The following AFF3 variants were observed in gnomAD, a reference collection of about 807,000 sequenced individuals.
The protein encoded by AFF3 is ALF transcription elongation factor 3.
Under a neutral mutation model 129.7 loss-of-function variants are expected in AFF3, and 32 were observed. The ratio of observed to expected loss-of-function variants is 0.25; its 90% CI spans 0.19 to 0.33. The LOEUF (loss-of-function observed/expected upper bound fraction) is 0.33. Ranked by LOEUF, AFF3 falls within the 10% of genes least tolerant of loss-of-function variation. AFF3 has a pLI of 1.00. For missense variants in AFF3, 1,373 were observed against 1,592.0 expected (o/e 0.86, Z 2.34); for synonymous variants, 644 against 635.4 (o/e 1.01, Z -0.20).
intron 8 of AFF3, among the ~76,000 whole-genome samples, chr2:99,790,918 A>C (rs1220948200): frequency 1.3e-5 from 2 of 152,246 alleles, no homozygotes; most frequent in Non-Finnish European, 2.9e-5. Flanking sequence ...GCAAATAAAC[A>C]ATGGATAAAG....
At chr2:99,782,249 A>C (rs1684471248) in intron 8 of AFF3, among the ~76,000 whole-genome samples, 1 of 152,240 alleles carries the variant, frequency 6.6e-6, no homozygotes. Context: ...GACCCTACCA[A>C]AAGCCCTTTG....
At chr2:99,961,195 G>A (rs1201839403) in intron 7 of AFF3, among the ~76,000 whole-genome samples, 1 of 152,136 alleles carries the variant, frequency 6.6e-6, no homozygotes, top group African/African-American at 2.4e-5. Flanking sequence ...CCCAGCATAT[G>A]GTGAAGCAGG....
chr2:99,885,812 G>A (rs967561219), intron 7 of AFF3, among the ~76,000 whole-genome samples: 1 of 152,164 alleles, frequency 6.6e-6, no homozygotes, highest in African/African-American at 2.4e-5. Flanking sequence ...AGGTCATTTG[G>A]AGGGCAGAAC....
At chr2:100,037,499 AATAT>A (rs1307780323) in intron 4 of AFF3, among the ~76,000 whole-genome samples, 2 of 60,942 alleles carry the variant, frequency 3.3e-5, no homozygotes, top group Non-Finnish European at 2.9e-5. Context: ...TTTATATATA[AATAT>A]ATATTTATAT....
intron 8 of AFF3, among the ~76,000 whole-genome samples, chr2:99,783,671 G>C (rs1230169678): frequency 6.6e-6 from 1 of 152,206 alleles, no homozygotes; most frequent in Non-Finnish European, 1.5e-5. Context: ...TGCTTTTCTG[G>C]AATCCAGAGC....
At chr2:100,107,562 G>A (rs1691359334) in intron 2 of AFF3, 6 of 953,680 alleles carry the variant, frequency 6.3e-6, no homozygotes, top group Non-Finnish European at 7.5e-6. Context: ...TGACCTGAGG[G>A]TCTTTTCTCC....
At chr2:99,782,072 A>T (rs1231238456) in intron 8 of AFF3, among the ~76,000 whole-genome samples, 2 of 152,202 alleles carry the variant, frequency 1.3e-5, no homozygotes, top group East Asian at 3.9e-4. Flanking sequence ...ATCGCTTCAG[A>T]AACCTGAAAG....
chr2:99,696,655 CT>C (rs869188752), intron 11 of AFF3, among the ~76,000 whole-genome samples: 130 of 146,412 alleles, frequency 8.9e-4, no homozygotes, highest in South Asian at 2.2e-3. Flanking sequence ...TAATGAAATT[CT>C]TTTTTTTTTT....
intron 4 of AFF3, among the ~76,000 whole-genome samples, chr2:100,068,933 T>G (rs1202669877): frequency 6.6e-6 from 1 of 152,128 alleles, no homozygotes; most frequent in Non-Finnish European, 1.5e-5. Flanking sequence ...TTTTTTCTCC[T>G]TAGATGGTAA....
intron 18 of AFF3, among the ~76,000 whole-genome samples, chr2:99,575,551 G>A (rs924533983): frequency 1.1e-4 from 17 of 151,508 alleles, no homozygotes; most frequent in Admixed American, 1.1e-3. Flanking sequence ...ATGAGCCACC[G>A]CGCCTGGCCT....
chr2:100,140,974 G>T (rs1692845285), intron 1 of AFF3, among the ~76,000 whole-genome samples: 1 of 141,664 alleles, frequency 7.1e-6, no homozygotes, highest in Non-Finnish European at 1.5e-5. Flanking sequence ...TTGTACAAAA[G>T]GTAGTGATGA....
intron 7 of AFF3, among the ~76,000 whole-genome samples, chr2:99,962,429 G>A (rs74472078): frequency 1.3e-5 from 2 of 152,156 alleles, no homozygotes; most frequent in South Asian, 2.1e-4. Context: ...ACAATTAGAT[G>A]ATGCCAATGC....
Position 99,547,908 on chromosome 2 carries a change from G to T in AFF3, c.*3566C>A, listed in dbSNP as rs1280368863. 1 of 212,758 alleles carries T rather than the reference G, an allele frequency of 4.7e-6. No individual in the cohort carries two copies. The highest frequency in any genetic ancestry group is 9.5e-6 in the Non-Finnish European group (1 of 104,902). The allele number at this position is 212,758 out of a possible 1,614,324, so 13.2% of individuals were successfully genotyped here. On this transcript the variant is annotated 3_prime_UTR_variant, in exon 25 of 25. Transcript: ENST00000672756. ...AGTCTCATTGCATTGCATTCCATGT[G>T]TTCAATCTAGTACACAATTTGTCAA...
intron 13 of AFF3, among the ~76,000 whole-genome samples, chr2:99,623,564 T>C (rs1389713484): frequency 6.6e-6 from 1 of 152,166 alleles, no homozygotes; most frequent in Non-Finnish European, 1.5e-5. Flanking sequence ...GGTATCTCTG[T>C]GTCTCATGGG....
intron 9 of AFF3, among the ~76,000 whole-genome samples, chr2:99,751,012 GGAAT>G (rs1681603081): frequency 1.3e-5 from 2 of 152,130 alleles, no homozygotes; most frequent in African/African-American, 4.8e-5. Context: ...CTCTTAGAAT[GGAAT>G]TTATCTTTGT....
At position 99,587,269 on chromosome 2, in the gene AFF3, C is replaced by T. The variant is rs369487993; in HGVS notation, c.2476G>A (p.Glu826Lys). The change falls in exon 16 of 25, where the codon GAA becomes AAA. Residue 826 changes from glutamate (E) to lysine (K), a missense_variant. This residue lies in a region of AFF3 where 466 missense variants were observed against 505.0 expected (regional missense o/e 0.92). Transcript: ENST00000672756. ...KSKRKRKCDN[E>K]DDYREIKKSQ... ...TTCTTGATCTCCCTGTAGTCGTCTTCGTTGTCACACTGTATGGGAATAAAC... is the reference window on the plus strand; with the variant it reads ...TTCTTGATCTCCCTGTAGTCGTCTTTGTTGTCACACTGTATGGGAATAAAC... The T allele has an allele frequency of 9.9e-6, 16 of 1,614,042 alleles. No individual in the cohort carries two copies. Among genetic ancestry groups the T allele is most frequent in the South Asian group, 2.2e-5 (2 of 91,068 alleles).
In AFF3 at chr2:99,848,182, A is replaced by G. The variant is rs145463673; in HGVS notation, c.874-10658T>C. Among the ~76,000 whole-genome samples, 1,282 of 152,086 alleles carry G rather than the reference A, an allele frequency of 8.4e-3. 19 individuals carry two copies. Among genetic ancestry groups the G allele is most frequent in the African/African-American group, 0.029 (1,210 of 41,476 alleles). ...GGAGAATCGCTTGAACTTGGGAGGC[A>G]GAGGTTACTGTGAGCCAAGGTCATG... On this transcript the variant is annotated intron_variant, in intron 7 of 24. Transcript: ENST00000672756.
At chr2:99,889,016 A>C (rs1210620847) in intron 7 of AFF3, among the ~76,000 whole-genome samples, 1 of 152,248 alleles carries the variant, frequency 6.6e-6, no homozygotes, top group Non-Finnish European at 1.5e-5. Context: ...TGTATGCTTT[A>C]AACCTTTAAA....
chr2:99,735,047 G>T (rs1680137125), intron 10 of AFF3, among the ~76,000 whole-genome samples: 1 of 152,000 alleles, frequency 6.6e-6, no homozygotes, highest in Admixed American at 6.6e-5. Flanking sequence ...TGTTAAAACG[G>T]CTATAGGATT....
Sources: gnomAD v4.1 joint callset for allele counts (sites outside exome capture counted in the v4.1 genomes callset) on GRCh38, gnomAD v4.1.1 for gene constraint, gnomAD v4.1.1 regional missense constraint, MANE v1.5 for transcripts, NCBI Gene and HGNC (gene_info 2026-07-23, HGNC 2026-07-21) for gene names.